The following MINDY4 variants were observed in gnomAD, a reference collection of about 807,000 sequenced individuals.
MINDY4 encodes the protein probable ubiquitin carboxyl-terminal hydrolase MINDY-4.
Under a neutral mutation model 87.0 loss-of-function variants are expected in MINDY4, and 68 were observed. That is an observed-to-expected ratio of 0.78 (90% confidence interval 0.64 to 0.96). The LOEUF (loss-of-function observed/expected upper bound fraction) is 0.96, where lower values mean the gene tolerates loss of function less well. Ranked by LOEUF, MINDY4 falls within the 40% of genes least tolerant of loss-of-function variation. MINDY4 has a pLI of 0.00. For missense variants in MINDY4, 919 were observed against 928.2 expected (o/e 0.99, Z 0.13); for synonymous variants, 379 against 363.2 (o/e 1.04, Z -0.50).
Position 30,791,490 on chromosome 7 carries a change from A to C in MINDY4, c.989A>C (p.Tyr330Ser), listed in dbSNP as rs772615564. 1 of 1,613,984 alleles carries C rather than the reference A, an allele frequency of 6.2e-7. No individual in the cohort carries two copies. The highest frequency in any genetic ancestry group is 1.3e-5 in the African/African-American group (1 of 75,028). Residue 330 changes from tyrosine (Y) to serine (S), a missense_variant, in exon 5 of 18, where the codon TAC becomes TCC. Tyr to Ser is a moderately radical substitution (Grantham distance 144). Coordinates refer to ENST00000265299, the MANE Select transcript of MINDY4 (RefSeq NM_032222.3). ...TDTDRMPLKL[Y>S]LPGGNSRMTQ... ...ACGGACAGGATGCCCTTGAAGCTCT[A>C]CTTGCCTGGTGGTAATTCCAGGATG... is the stretch of plus-strand genomic sequence containing the variant.
Position 30,890,724 on chromosome 7 carries a change from A to G in MINDY4, c.2226-1233A>G, listed in dbSNP as rs150380883. Among the ~76,000 whole-genome samples the G allele has an allele frequency of 2.8e-4, 43 of 152,310 alleles. No homozygotes were observed. The East Asian group carries it at 8.1e-3, about 29-fold the overall frequency. On this transcript the variant is annotated intron_variant, in intron 17 of 17. Coordinates refer to ENST00000265299, the MANE Select transcript of MINDY4 (RefSeq NM_032222.3). ...TGAAGGAAAGCACTGACTTGAAGAA[A>G]GACAAAGAGCCGAAGCCTAGGAAAG...
chr7:30,782,350 G>T (rs1584231391), intron 3 of MINDY4, 138 bp downstream of exon 3: 1 of 612,752 alleles, frequency 1.6e-6, no homozygotes, highest in Non-Finnish European at 2.8e-6. Flanking sequence ...GTTTGTGTGT[G>T]TGTGTGTGTG....
At chr7:30,863,109 A>G (rs777508284) in intron 13 of MINDY4, among the ~76,000 whole-genome samples, 2 of 152,190 alleles carry the variant, frequency 1.3e-5, no homozygotes, top group African/African-American at 4.8e-5. Flanking sequence ...CCTCGGGACC[A>G]GATGATCGCC....
intron 5 of MINDY4, among the ~76,000 whole-genome samples, chr7:30,792,741 C>T (rs1414825460): frequency 6.6e-6 from 1 of 150,490 alleles, no homozygotes; most frequent in Non-Finnish European, 1.5e-5. Flanking sequence ...AATTTATGTT[C>T]TTTCTCTCTT....
At chr7:30,801,070 C>A (rs1562535218) in intron 5 of MINDY4, among the ~76,000 whole-genome samples, 2 of 152,078 alleles carry the variant, frequency 1.3e-5, no homozygotes, top group Non-Finnish European at 2.9e-5. Context: ...CTGGAGGCCC[C>A]CAGATCTGGA....
At chr7:30,883,345 C>T (rs1157744404) in intron 17 of MINDY4, among the ~76,000 whole-genome samples, 1 of 152,150 alleles carries the variant, frequency 6.6e-6, no homozygotes, top group Non-Finnish European at 1.5e-5. Flanking sequence ...GGGTGCTTAC[C>T]TGAGGGTGGG....
At chr7:30,859,112 C>T (rs759392205) in intron 12 of MINDY4, 145 bp from the exon 13 acceptor site, 103 of 769,388 alleles carry the variant, frequency 1.3e-4, no homozygotes, top group Non-Finnish European at 2.1e-4. Context: ...GGTCAGCCTT[C>T]GGGCCACCCA....
chr7:30,873,616 C>G (rs28722713), intron 14 of MINDY4, among the ~76,000 whole-genome samples: 4,900 of 152,236 alleles, frequency 0.032, 252 homozygotes, highest in African/African-American at 0.11. Context: ...GTCCATGGAC[C>G]ACACTGAGTA....
At chr7:30,856,516 G>A (rs1464404230) in intron 12 of MINDY4, among the ~76,000 whole-genome samples, 2 of 151,838 alleles carry the variant, frequency 1.3e-5, no homozygotes, top group South Asian at 2.1e-4. Context: ...AATTTACACA[G>A]AGTTGGGGTT....
Position 30,791,578 on chromosome 7 carries a change from A to C in MINDY4, c.1073+4A>C. 1 of 1,606,604 alleles carries C rather than the reference A, an allele frequency of 6.2e-7. No individual in the cohort carries two copies. Among genetic ancestry groups the C allele is most frequent in the Non-Finnish European group, 8.5e-7 (1 of 1,176,270 alleles). On this transcript the variant is annotated splice_donor_region_variant and intron_variant, in intron 5 of 17. Coordinates refer to ENST00000265299, the MANE Select transcript of MINDY4 (RefSeq NM_032222.3). ...GCAGCCAGCCCGCACCTGTCAGGTGAGTGTGCTATGCAAAGGTGACGGCTT... is the reference window on the plus strand; with the variant it reads ...GCAGCCAGCCCGCACCTGTCAGGTGCGTGTGCTATGCAAAGGTGACGGCTT...
At chr7:30,787,534 T>C (rs1787192114) in intron 4 of MINDY4, among the ~76,000 whole-genome samples, 1 of 152,190 alleles carries the variant, frequency 6.6e-6, no homozygotes, top group Admixed American at 6.5e-5. Flanking sequence ...CAGGACACTG[T>C]TGTGTTTCTG....
chr7:30,850,745 C>A (rs1280492659), intron 10 of MINDY4, among the ~76,000 whole-genome samples, 190 bp downstream of exon 10: 4 of 152,212 alleles, frequency 2.6e-5, no homozygotes, highest in Non-Finnish European at 5.9e-5. Flanking sequence ...GCCTTCCATG[C>A]GGCCCTGCGA....
intron 16 of MINDY4, 72 bp from the exon 17 acceptor site, chr7:30,882,849 G>A: frequency 1.4e-6 from 2 of 1,403,612 alleles, no homozygotes; most frequent in Non-Finnish European, 2.0e-6. Context: ...GGTCTCGGGA[G>A]TGGTCAGCGC....
At chr7:30,859,191 G>C (rs746830038) in intron 12 of MINDY4, 66 bp from the exon 13 acceptor site, 6 of 1,461,734 alleles carry the variant, frequency 4.1e-6, no homozygotes, top group African/African-American at 2.8e-5. Flanking sequence ...GGCTCCCACA[G>C]AGGTGTGGGG....
intron 9 of MINDY4, among the ~76,000 whole-genome samples, chr7:30,846,667 A>C (rs1012632845): frequency 3.3e-5 from 5 of 151,362 alleles, no homozygotes; most frequent in Non-Finnish European, 7.4e-5. Flanking sequence ...AGGCACATAC[A>C]GCCCTGGCTA....
At chr7:30,850,600 G>T in intron 10 of MINDY4, 45 bp downstream of exon 10, 1 of 1,522,586 alleles carries the variant, frequency 6.6e-7, no homozygotes, top group South Asian at 1.2e-5. Flanking sequence ...ATCGTCTGCT[G>T]GCAGCTGCCG....
At chr7:30,816,134 ACTC>A (rs1306478925) in intron 5 of MINDY4, among the ~76,000 whole-genome samples, 1 of 150,748 alleles carries the variant, frequency 6.6e-6, no homozygotes, top group Non-Finnish European at 1.5e-5. Context: ...ATCTCTGAGT[ACTC>A]CTCAGCTTCC....
chr7:30,833,004 T>C (rs1397838155), intron 6 of MINDY4, among the ~76,000 whole-genome samples: 1 of 152,274 alleles, frequency 6.6e-6, no homozygotes, highest in Non-Finnish European at 1.5e-5. Flanking sequence ...TGCATCATTT[T>C]TACTTGACAT....
At chr7:30,824,465 G>T (rs148394781) in intron 5 of MINDY4, among the ~76,000 whole-genome samples, 1 of 152,084 alleles carries the variant, frequency 6.6e-6, no homozygotes, top group Non-Finnish European at 1.5e-5. Flanking sequence ...TCAAACCATA[G>T]CAGTAAGTGA....
Sources: gnomAD v4.1 joint callset for allele counts (sites outside exome capture counted in the v4.1 genomes callset) on GRCh38, gnomAD v4.1.1 for gene constraint, MANE v1.5 for transcripts, NCBI Gene and HGNC (gene_info 2026-07-23, HGNC 2026-07-21) for gene names.